CARS1: variants seen among roughly 807,000 people sequenced by gnomAD.
The protein encoded by CARS1 is cysteine--tRNA ligase, cytoplasmic.
CARS1 carries 48 observed loss-of-function variants against 106.2 expected under a neutral mutation model. The ratio of observed to expected loss-of-function variants is 0.45; its 90% confidence interval spans 0.36 to 0.57. The LOEUF (loss-of-function observed/expected upper bound fraction) is 0.57, where lower values mean the gene tolerates loss of function less well. Among genes scored for constraint, CARS1 ranks in the 20% least tolerant of loss-of-function variants. The probability of loss-of-function intolerance (pLI) is 0.00; values close to 1 mark genes in which losing one functional copy is unlikely to be tolerated. For missense variants in CARS1, 968 were observed against 1,057.2 expected (o/e 0.92, Z 1.17); for synonymous variants, 409 against 403.4 (o/e 1.01, Z -0.17).
chr11:3,054,806 A>G (rs1856034551), intron 1 of CARS1: 1 of 695,092 alleles, frequency 1.4e-6, no homozygotes, highest in African/African-American at 1.8e-5. Flanking sequence ...ACTCATGCTG[A>G]AAAAATGCTG....
At position 3,021,003 on chromosome 11, in the gene CARS1, T is replaced by C. The variant is rs1214866952; in HGVS notation, c.1154-671A>G. ...TTCCTGGACAAAGCCAATGATCACC[T>C]GGCCAACAAAAACAAGACTGTCTAT... is the stretch of plus-strand genomic sequence containing the variant. On this transcript the variant is annotated intron_variant, in intron 10 of 22. Transcript: ENST00000380525. The surrounding 1 kb of genome is among the most constrained non-coding windows in gnomAD (Gnocchi z 5.3). 2.6e-5 allele frequency among the ~76,000 whole-genome samples: 4 copies of C among 152,200 alleles called. No homozygotes were observed. Among genetic ancestry groups the C allele is most frequent in the Non-Finnish European group, 2.9e-5 (2 of 68,036 alleles).
chr11:3,023,453 G>A (rs990567875), intron 10 of CARS1, among the ~76,000 whole-genome samples: 2 of 152,134 alleles, frequency 1.3e-5, no homozygotes, highest in Non-Finnish European at 2.9e-5. Context: ...GGAGTGCAAC[G>A]GTGTAATCAC....
At chr11:3,016,414 G>A (rs536163978) in intron 16 of CARS1, among the ~76,000 whole-genome samples, 27 of 151,750 alleles carry the variant, frequency 1.8e-4, no homozygotes, top group Admixed American at 3.9e-4. Flanking sequence ...TAGTAGAGAC[G>A]GGGTTTCACC....
chr11:3,047,625 C>T (rs1300112698), intron 2 of CARS1, 128 bp downstream of exon 2: 12 of 1,300,948 alleles, frequency 9.2e-6, no homozygotes, highest in East Asian at 7.0e-5. Flanking sequence ...GCCACTTGCT[C>T]GAGACACACT....
At chr11:3,023,330 G>C (rs1279267451) in intron 10 of CARS1, among the ~76,000 whole-genome samples, 2 of 152,164 alleles carry the variant, frequency 1.3e-5, no homozygotes, top group African/African-American at 4.8e-5. Flanking sequence ...AGGACTTTAA[G>C]AAATGCTCTA....
rs983660543 is a variant in CARS1, at chr11:3,003,581, C to T, written c.2218-981G>A. 6.6e-6 allele frequency among the ~76,000 whole-genome samples: 1 copy of T among 151,986 alleles called. No individual in the cohort carries two copies. The highest frequency in any genetic ancestry group is 1.5e-5 in the Non-Finnish European group (1 of 68,008). ...ACACACAGAGCTAGGGAAAAGAAACCAGGAAGGCACAAAGGTCTCAGAGAC... is the reference window on the plus strand; with the variant it reads ...ACACACAGAGCTAGGGAAAAGAAACTAGGAAGGCACAAAGGTCTCAGAGAC... On this transcript the variant is annotated intron_variant, in intron 20 of 22. Coordinates refer to ENST00000380525, the MANE Select transcript of CARS1 (RefSeq NM_001014437.3). This position sits in a 1 kb window ranked among gnomAD's most constrained non-coding sequence, Gnocchi z 4.8.
Position 3,040,837 on chromosome 11 carries a change from T to C in CARS1, c.455+59A>G, listed in dbSNP as rs1166933662. 7 of 1,578,118 alleles carry C rather than the reference T, an allele frequency of 4.4e-6. No individual in the cohort carries two copies. Among genetic ancestry groups the C allele is most frequent in the Non-Finnish European group, 6.0e-6 (7 of 1,157,314 alleles). On this transcript the variant is annotated intron_variant, in intron 4 of 22. Transcript: ENST00000380525. This position sits in a 1 kb window ranked among gnomAD's most constrained non-coding sequence, Gnocchi z 5.8. ...CTAAGATCGCTGCTGTGGATCCCAA[T>C]GGCTCTGACTTCTGCGTGCAACTGC...
At position 3,047,857 on chromosome 11, in the gene CARS1, G is replaced by A. The variant is rs770452949; in HGVS notation, c.170C>T (p.Pro57Leu). The A allele has an allele frequency of 6.1e-5, 99 of 1,613,920 alleles. 1 individual carries two copies. The highest frequency in any genetic ancestry group is 1.6e-4 in the Middle Eastern group (1 of 6,084). The change falls in exon 2 of 23, where the codon CCG (proline) becomes CTG (leucine). Residue 57 changes from proline (P) to leucine (L), a missense_variant. Coordinates refer to ENST00000380525, the MANE Select transcript of CARS1 (RefSeq NM_001014437.3). ...GTGGAAGAGCTGGGGGTCAGCGGGC[G>A]GGGCCGAGAGCTGCCTGAACGCGTC... ...DVDAFRQLSA[P>L]PADPQLFHVA...
chr11:3,002,794 G>A (rs1279965406), intron 20 of CARS1, among the ~76,000 whole-genome samples, 194 bp from the exon 21 acceptor site: 1 of 152,148 alleles, frequency 6.6e-6, no homozygotes, highest in East Asian at 1.9e-4. Flanking sequence ...CATTCCCTTT[G>A]GGGATCCTCA....
Position 3,017,467 on chromosome 11 carries a change from AC to A in CARS1, c.1728-173del. 2 of 594,472 alleles carry A rather than the reference AC, an allele frequency of 3.4e-6. No individual in the cohort carries two copies. The highest frequency in any genetic ancestry group is 6.0e-6 in the Non-Finnish European group (2 of 335,740). 36.8% of individuals were successfully genotyped at this position (594,472 alleles called of 1,614,324 possible). Reference sequence around the variant, plus strand: ...AGACCAGCCTGACAAACATGGAGAGACCCCCACCTCTACTAAAAATCTGAAA... The same window carrying A: ...AGACCAGCCTGACAAACATGGAGAGACCCCACCTCTACTAAAAATCTGAAA... On this transcript the variant is annotated intron_variant, in intron 15 of 22. Coordinates refer to ENST00000380525, the MANE Select transcript of CARS1 (RefSeq NM_001014437.3). The surrounding 1 kb of genome is among the most constrained non-coding windows in gnomAD (Gnocchi z 4.9).
chr11:3,050,633 C>G lies in CARS1; in HGVS notation c.26-2632G>C, dbSNP rs1245574179. 6.6e-6 allele frequency among the ~76,000 whole-genome samples: 1 copy of G among 152,238 alleles called. No individual in the cohort carries two copies. The highest frequency in any genetic ancestry group is 1.5e-5 in the Non-Finnish European group (1 of 68,036). ...CCCAACACCCACCTCGCCAGCAGCA[C>G]AAGCCTGTCCTCATGCTGGCCATGG... On this transcript the variant is annotated intron_variant, in intron 1 of 22. Coordinates refer to ENST00000380525, the MANE Select transcript of CARS1 (RefSeq NM_001014437.3). The surrounding 1 kb of genome is among the most constrained non-coding windows in gnomAD (Gnocchi z 6.3).
At position 3,047,890 on chromosome 11, in the gene CARS1, GC is replaced by G; in HGVS notation, c.136del (p.Ala46GlnfsTer28). ...SYVQGYSLSQ[A>X]DVDAFRQLSA... ...GAGCTGCCTGAACGCGTCCACGTCTGCCTGGGACAGTGAGTACCCCTGGACA... is the reference window on the plus strand; with the variant it reads ...GAGCTGCCTGAACGCGTCCACGTCTGCTGGGACAGTGAGTACCCCTGGACA... On this transcript the variant is annotated frameshift_variant, in exon 2 of 23. Transcript: ENST00000380525. LOFTEE classifies it high-confidence loss of function. 1 of 1,614,170 alleles carries G rather than the reference GC, an allele frequency of 6.2e-7. No individual in the cohort carries two copies. The highest frequency in any genetic ancestry group is 8.5e-7 in the Non-Finnish European group (1 of 1,180,028).
In CARS1 at chr11:3,040,810, A is replaced by T; in HGVS notation, c.455+86T>A. 1 of 1,357,198 alleles carries T rather than the reference A, an allele frequency of 7.4e-7. No homozygotes were observed. Among genetic ancestry groups the T allele is most frequent in the Non-Finnish European group, 1.0e-6 (1 of 972,204 alleles). The allele number at this position is 1,357,198 out of a possible 1,614,324, so 84.1% of individuals were successfully genotyped here. On this transcript the variant is annotated intron_variant, in intron 4 of 22. Transcript: ENST00000380525. This position sits in a 1 kb window ranked among gnomAD's most constrained non-coding sequence, Gnocchi z 5.8. ...TGTAGCAGATCTAAGATCTTTGTGGACCTAAGATCGCTGCTGTGGATCCCA... is the reference window on the plus strand; with the variant it reads ...TGTAGCAGATCTAAGATCTTTGTGGTCCTAAGATCGCTGCTGTGGATCCCA...
At position 3,041,919 on chromosome 11, in the gene CARS1, A is replaced by G. The variant is rs1453656779; in HGVS notation, c.366+246T>C. 6.6e-6 allele frequency among the ~76,000 whole-genome samples: 1 copy of G among 152,122 alleles called. No individual in the cohort carries two copies. Among genetic ancestry groups the G allele is most frequent in the East Asian group, 1.9e-4 (1 of 5,194 alleles). On this transcript the variant is annotated intron_variant, in intron 3 of 22. Coordinates refer to ENST00000380525, the MANE Select transcript of CARS1 (RefSeq NM_001014437.3). The surrounding 1 kb of genome is among the most constrained non-coding windows in gnomAD (Gnocchi z 4.9). The stretch of plus-strand genomic sequence containing the variant: ...ACAAGCCAGGGTGATCCATGCCCAG[A>G]AGTCATGGGCAGGCTTCCACATGAG...
At chr11:3,023,295 T>G (rs1851744449) in intron 10 of CARS1, among the ~76,000 whole-genome samples, 1 of 152,192 alleles carries the variant, frequency 6.6e-6, no homozygotes, top group Admixed American at 6.5e-5. Flanking sequence ...TCAAATGCAG[T>G]GCGAGTTGTT....
Position 3,039,097 on chromosome 11 carries a change from C to A in CARS1, c.651+97G>T, listed in dbSNP as rs1198783935. On this transcript the variant is annotated intron_variant, in intron 6 of 22. Transcript: ENST00000380525. The surrounding 1 kb of genome is among the most constrained non-coding windows in gnomAD (Gnocchi z 5.6). ...TGAGTAACATACACTTTGTGAAAGCCTGTGAGACTGACACTACCCTAGGGA... is the reference window on the plus strand; with the variant it reads ...TGAGTAACATACACTTTGTGAAAGCATGTGAGACTGACACTACCCTAGGGA... The A allele has an allele frequency of 1.3e-6, 1 of 761,684 alleles. No homozygotes were observed. The allele number at this position is 761,684 out of a possible 1,614,324, so 47.2% of individuals were successfully genotyped here.
chr11:3,007,111 C>G (rs369756374), intron 18 of CARS1, 152 bp from the exon 19 acceptor site: 12 of 646,164 alleles, frequency 1.9e-5, no homozygotes, highest in Non-Finnish European at 3.3e-5. Flanking sequence ...GCCCACAGAA[C>G]GAGTACCTCC....
rs1489937794 is a variant in CARS1 at position 3,019,176 on chromosome 11, C to T, written c.1358G>A (p.Arg453Gln). The T allele has an allele frequency of 4.6e-6, 7 of 1,525,040 alleles. No homozygotes were observed. Among genetic ancestry groups the T allele is most frequent in the Non-Finnish European group, 6.1e-6 (7 of 1,139,958 alleles). The allele number at this position is 1,525,040 out of a possible 1,614,324, so 94.5% of individuals were successfully genotyped here. A position where few individuals can be genotyped will look rare whatever the true frequency, so the allele number is the denominator to read the frequency against. ...MDIHGGGFDLRFPHHDNELAQ... is the reference protein window; with the variant it reads ...MDIHGGGFDLQFPHHDNELAQ... Reference sequence around the variant, plus strand: ...CAGCTCATTGTCATGGTGGGGGAACCGGAGGTCGAACCCACCTCCGTGAAT... The same window carrying T: ...CAGCTCATTGTCATGGTGGGGGAACTGGAGGTCGAACCCACCTCCGTGAAT... The change falls in exon 12 of 23, where the codon CGG becomes CAG. Residue 453 changes from arginine (R) to glutamine (Q), a missense_variant. Coordinates refer to ENST00000380525, the MANE Select transcript of CARS1 (RefSeq NM_001014437.3). The surrounding 1 kb of genome is among the most constrained non-coding windows in gnomAD (Gnocchi z 6.2).
chr11:3,025,622 G>T (rs1450215397), intron 10 of CARS1, among the ~76,000 whole-genome samples: 2 of 152,244 alleles, frequency 1.3e-5, no homozygotes, highest in Non-Finnish European at 2.9e-5. Flanking sequence ...CACTAGGACA[G>T]GCGGGGTGGG....
Sources: allele counts gnomAD v4.1 joint callset (sites outside exome capture counted in the v4.1 genomes callset), GRCh38; gene constraint gnomAD v4.1.1; non-coding constraint Gnocchi (gnomAD v3.1); transcripts MANE v1.5; gene names NCBI Gene and HGNC (gene_info 2026-07-23, HGNC 2026-07-21).